Variants in PTPRD observed in about 807,000 individuals in gnomAD.
PTPRD encodes protein tyrosine phosphatase receptor type D, also known as receptor-type tyrosine-protein phosphatase delta.
Under a neutral mutation model 214.5 loss-of-function variants are expected in PTPRD, and 34 were observed. The observed-to-expected ratio is 0.16, with a 90% confidence interval of 0.12 to 0.21. The LOEUF is 0.21. Ranked by LOEUF, PTPRD falls within the 10% of genes least tolerant of loss-of-function variation. The pLI is 1.00. For missense variants in PTPRD, 2,545 were observed against 2,398.7 expected, an observed-to-expected ratio of 1.06 and a Z score of -1.27; for synonymous variants, 1,128 against 845.7, an observed-to-expected ratio of 1.33 and a Z score of -5.79.
Position 8,528,588 on chromosome 9 carries a change from T to C in PTPRD, c.541+3A>G. On this transcript the variant is annotated splice_donor_region_variant and intron_variant, in intron 15 of 45. Transcript: ENST00000381196. ...GTTAGTAGAAACAGTAACAAGACCC[T>C]ACCTGATCGTAACTGCTTAATACGA... is the stretch of plus-strand genomic sequence containing the variant. 3 of 1,613,444 alleles carry C rather than the reference T, an allele frequency of 1.9e-6. No homozygotes were observed. Among genetic ancestry groups the C allele is most frequent in the East Asian group, 2.2e-5 (1 of 44,856 alleles).
chr9:10,343,304 A>T (rs1301246754), intron 2 of PTPRD, among the ~76,000 whole-genome samples: 1 of 152,140 alleles, frequency 6.6e-6, no homozygotes, highest in Non-Finnish European at 1.5e-5. Flanking sequence ...AAAGGACATG[A>T]ACTCATCCTT....
chr9:9,754,015 T>C (rs2098546072), intron 6 of PTPRD, among the ~76,000 whole-genome samples: 1 of 152,112 alleles, frequency 6.6e-6, no homozygotes, highest in South Asian at 2.1e-4. Flanking sequence ...ATACCATTTG[T>C]CTGTGTGTCT....
At chr9:8,487,167 A>G (rs1262160947) in intron 27 of PTPRD, among the ~76,000 whole-genome samples, 1 of 152,194 alleles carries the variant, frequency 6.6e-6, no homozygotes, top group Admixed American at 6.5e-5. Context: ...AATTCATGTA[A>G]AAGTCTTAGC....
chr9:9,031,328 T>C (rs1304671414), intron 10 of PTPRD, among the ~76,000 whole-genome samples: 1 of 152,066 alleles, frequency 6.6e-6, no homozygotes, highest in Non-Finnish European at 1.5e-5. Flanking sequence ...AAACGCATTG[T>C]TAGGCAATTC....
At chr9:8,906,023 C>G (rs917258981) in intron 11 of PTPRD, among the ~76,000 whole-genome samples, 4 of 152,156 alleles carry the variant, frequency 2.6e-5, no homozygotes, top group African/African-American at 9.7e-5. Flanking sequence ...ATTTCATTTT[C>G]ATATGTGTAG....
At chr9:8,361,080 A>C (rs1032167339) in intron 39 of PTPRD, among the ~76,000 whole-genome samples, 17 of 152,328 alleles carry the variant, frequency 1.1e-4, no homozygotes, top group African/African-American at 3.8e-4. Flanking sequence ...ATAGGTGTGA[A>C]TTATGTATGC....
chr9:8,765,799 T>A (rs1291040455), intron 11 of PTPRD, among the ~76,000 whole-genome samples: 2 of 152,302 alleles, frequency 1.3e-5, no homozygotes, highest in South Asian at 2.1e-4. Flanking sequence ...TAAGCTACAG[T>A]GGGTCAAGAA....
intron 2 of PTPRD, among the ~76,000 whole-genome samples, chr9:10,469,326 A>C (rs78013950): frequency 0.022 from 3,322 of 152,278 alleles, 113 homozygotes; most frequent in African/African-American, 0.074. Context: ...TGTCTAAACT[A>C]TCAGGTGTAT....
intron 9 of PTPRD, among the ~76,000 whole-genome samples, chr9:9,226,428 T>G (rs1047590613): frequency 2.6e-5 from 4 of 152,046 alleles, no homozygotes; most frequent in Non-Finnish European, 4.4e-5. Flanking sequence ...ACTGTTATTA[T>G]TATTGATGAT....
chr9:9,570,315 C>T (rs2085969012), intron 8 of PTPRD, among the ~76,000 whole-genome samples: 1 of 151,514 alleles, frequency 6.6e-6, no homozygotes, highest in African/African-American at 2.4e-5. Flanking sequence ...AGTAATTCTT[C>T]AGTTTCCACT....
At chr9:10,126,043 T>C (rs2098816752) in intron 3 of PTPRD, among the ~76,000 whole-genome samples, 1 of 152,086 alleles carries the variant, frequency 6.6e-6, no homozygotes, top group African/African-American at 2.4e-5. Flanking sequence ...ATAGAAATTT[T>C]TAATTTAGGC....
intron 12 of PTPRD, among the ~76,000 whole-genome samples, chr9:8,664,219 A>AATC (rs1302485994): frequency 6.6e-6 from 1 of 152,298 alleles, no homozygotes; most frequent in East Asian, 1.9e-4. Flanking sequence ...TTCATATCAG[A>AATC]ATCTTCTCTT....
chr9:10,474,575 A>G (rs979525888), intron 2 of PTPRD, among the ~76,000 whole-genome samples: 3 of 151,814 alleles, frequency 2.0e-5, no homozygotes, highest in Non-Finnish European at 4.4e-5. Flanking sequence ...ATATTAGATC[A>G]AAGAGGCAGA....
At chr9:8,856,442 A>T (rs903343823) in intron 11 of PTPRD, among the ~76,000 whole-genome samples, 2 of 152,172 alleles carry the variant, frequency 1.3e-5, no homozygotes, top group East Asian at 3.8e-4. Context: ...TTAACAGCAA[A>T]CCTATTTCAA....
chr9:8,509,394 C>G (rs2097623272), intron 21 of PTPRD, among the ~76,000 whole-genome samples: 2 of 152,048 alleles, frequency 1.3e-5, no homozygotes. Context: ...CACACATATG[C>G]CTATGTATGC....
intron 8 of PTPRD, among the ~76,000 whole-genome samples, chr9:9,557,967 T>C (rs2081950100): frequency 6.6e-6 from 1 of 152,230 alleles, no homozygotes; most frequent in African/African-American, 2.4e-5. Context: ...CCACCCTATC[T>C]TGGCTGCTTG....
At chr9:9,174,039 G>C (rs1366918266) in intron 10 of PTPRD, among the ~76,000 whole-genome samples, 2 of 152,064 alleles carry the variant, frequency 1.3e-5, no homozygotes, top group Non-Finnish European at 1.5e-5. Flanking sequence ...GATAATGAGG[G>C]AGTTAAGTAT....
chr9:8,425,901 T>C (rs2094633201), intron 35 of PTPRD, among the ~76,000 whole-genome samples: 1 of 152,184 alleles, frequency 6.6e-6, no homozygotes. Flanking sequence ...TTTGATATTT[T>C]AATGTGGATA....
chr9:10,075,077 A>G (rs2098111670), intron 3 of PTPRD, among the ~76,000 whole-genome samples: 1 of 152,122 alleles, frequency 6.6e-6, no homozygotes, highest in South Asian at 2.1e-4. Flanking sequence ...TAAGTTATTG[A>G]TGCAAATATT....
Sources: gnomAD v4.1 joint callset for allele counts (sites outside exome capture counted in the v4.1 genomes callset) on GRCh38, gnomAD v4.1.1 for gene constraint, MANE v1.5 for transcripts, NCBI Gene and HGNC (gene_info 2026-07-23, HGNC 2026-07-21) for gene names.